The following IGSF23 variants were observed in gnomAD, a reference collection of about 807,000 sequenced individuals.
IGSF23 encodes the protein immunoglobulin superfamily, member 23.
In IGSF23, 14 loss-of-function variants were observed where a neutral mutation model predicts 17.8. The ratio of observed to expected loss-of-function variants is 0.79; its 90% CI spans 0.52 to 1.23. The LOEUF is 1.23. Ranked by LOEUF, IGSF23 falls within the 50% of genes most tolerant of loss-of-function variation. The pLI, the probability that IGSF23 is intolerant of heterozygous loss-of-function variation, is 0.00. For synonymous variants in IGSF23, 85 were observed against 92.5 expected, an observed-to-expected ratio of 0.92 and a Z score of 0.46; for missense variants, 214 against 241.7, an observed-to-expected ratio of 0.89 and a Z score of 0.76.
chr19:44,614,029 C>A, intron 1 of IGSF23: 1 of 1,454,050 alleles, frequency 6.9e-7, no homozygotes, highest in Non-Finnish European at 9.3e-7. Flanking sequence ...GGGCCAGGGA[C>A]AAGGAGGAGA....
intron 3 of IGSF23, among the ~76,000 whole-genome samples, chr19:44,630,253 A>G (rs1257246787): frequency 6.6e-6 from 1 of 152,124 alleles, no homozygotes; most frequent in Non-Finnish European, 1.5e-5. Context: ...GGGGCAAGGG[A>G]GGGCCAGCCT....
At chr19:44,614,015 C>T (rs1053202721) in intron 1 of IGSF23, 4 of 1,489,378 alleles carry the variant, frequency 2.7e-6, no homozygotes, top group Non-Finnish European at 2.7e-6. Context: ...AGCGGCTTCA[C>T]CACGGGCCAG....
At position 44,615,268 on chromosome 19, in the gene IGSF23, G is replaced by A. The variant is rs183887609; in HGVS notation, c.125+1498G>A. Among the ~76,000 whole-genome samples the A allele has an allele frequency of 6.9e-3, 1,025 of 147,482 alleles. 12 individuals carry two copies. The highest frequency in any genetic ancestry group is 0.023 in the African/African-American group (910 of 39,752). On this transcript the variant is annotated intron_variant, in intron 1 of 4. Transcript: ENST00000402988. The stretch of plus-strand genomic sequence containing the variant: ...CGTGCCACTGCACTCCAGCCTGGGC[G>A]ACAGAGCACGACTCCGTCTCAAAAA...
intron 3 of IGSF23, among the ~76,000 whole-genome samples, chr19:44,627,918 T>C (rs1368320038): frequency 6.6e-6 from 1 of 151,630 alleles, no homozygotes; most frequent in Non-Finnish European, 1.5e-5. Context: ...GTTGTTGGGT[T>C]GGGTTGTTGT....
chr19:44,634,063 C>T (rs945843393), intron 3 of IGSF23, among the ~76,000 whole-genome samples: 1 of 152,230 alleles, frequency 6.6e-6, no homozygotes, highest in African/African-American at 2.4e-5. Context: ...CCTGTTGGGA[C>T]CTTTTACGGG....
At position 44,613,779 on chromosome 19, in the gene IGSF23, T is replaced by C; in HGVS notation, c.125+9T>C. ...TTCCCAGCCAACTTGGTGTAAGTCA[T>C]GTGGGGAAGTGGCCAGGGTAGGGCA... On this transcript the variant is annotated intron_variant, in intron 1 of 4. Transcript: ENST00000402988. 1.3e-6 allele frequency: 2 copies of C among 1,550,346 alleles called. No individual in the cohort carries two copies. The highest frequency in any genetic ancestry group is 1.7e-6 in the Non-Finnish European group (2 of 1,146,868).
intron 3 of IGSF23, among the ~76,000 whole-genome samples, chr19:44,634,967 A>G (rs1411073641): frequency 6.6e-6 from 1 of 152,174 alleles, no homozygotes; most frequent in African/African-American, 2.4e-5. Flanking sequence ...TGATGATTGT[A>G]TTAGTTTGCT....
chr19:44,615,420 T>G (rs1972350234), intron 1 of IGSF23, among the ~76,000 whole-genome samples: 1 of 151,722 alleles, frequency 6.6e-6, no homozygotes, highest in African/African-American at 2.4e-5. Flanking sequence ...GGTCAGGAAT[T>G]CAAGACCAGC....
intron 1 of IGSF23, among the ~76,000 whole-genome samples, chr19:44,622,440 T>C (rs1020496275): frequency 3.9e-5 from 6 of 152,280 alleles, no homozygotes; most frequent in South Asian, 4.1e-4. Context: ...AAATCCCAGA[T>C]GTGTCCCTAC....
intron 2 of IGSF23, among the ~76,000 whole-genome samples, chr19:44,626,959 A>G (rs1035867319): frequency 1.3e-4 from 20 of 151,056 alleles, no homozygotes; most frequent in South Asian, 2.1e-4. Context: ...GCCAAGAGAG[A>G]GAGATGGCAT....
chr19:44,623,512 G>A (rs959008584), intron 1 of IGSF23, among the ~76,000 whole-genome samples, 195 bp from the exon 2 acceptor site: 5 of 152,234 alleles, frequency 3.3e-5, no homozygotes, highest in South Asian at 4.1e-4. Flanking sequence ...GGTGCTGGCC[G>A]TTGGAAGTGG....
chr19:44,630,238 A>C (rs1972736249), intron 3 of IGSF23, among the ~76,000 whole-genome samples: 1 of 152,144 alleles, frequency 6.6e-6, no homozygotes, highest in Non-Finnish European at 1.5e-5. Flanking sequence ...GCACACAACC[A>C]TCTAGGGGCA....
intron 3 of IGSF23, among the ~76,000 whole-genome samples, chr19:44,628,149 TG>T (rs2123723984): frequency 6.6e-6 from 1 of 152,216 alleles, no homozygotes; most frequent in Admixed American, 6.5e-5. Flanking sequence ...TTCGCCATGT[TG>T]GTCAGGCTGA....
chr19:44,630,617 T>G (rs1433684197), intron 3 of IGSF23, among the ~76,000 whole-genome samples: 2 of 152,160 alleles, frequency 1.3e-5, no homozygotes, highest in Non-Finnish European at 2.9e-5. Context: ...ACCTATTTAG[T>G]TGTGAGCAAC....
At chr19:44,633,277 G>C (rs1317192807) in intron 3 of IGSF23, among the ~76,000 whole-genome samples, 1 of 152,200 alleles carries the variant, frequency 6.6e-6, no homozygotes, top group Non-Finnish European at 1.5e-5. Context: ...ACATTTTAAA[G>C]GTATAGGTTC....
At chr19:44,632,338 G>T in intron 3 of IGSF23, 1 of 172,340 alleles carries the variant, frequency 5.8e-6, no homozygotes, top group South Asian at 1.2e-4. Flanking sequence ...CACGGCAATG[G>T]TGATTACCAC....
chr19:44,619,466 G>A (rs540133473), intron 1 of IGSF23, among the ~76,000 whole-genome samples: 1 of 152,282 alleles, frequency 6.6e-6, no homozygotes, highest in Middle Eastern at 3.4e-3. Context: ...TTTCATATCT[G>A]AATTAGGAAA....
intron 1 of IGSF23, among the ~76,000 whole-genome samples, chr19:44,616,980 C>T (rs557703630): frequency 2.3e-4 from 35 of 151,848 alleles, no homozygotes; most frequent in Non-Finnish European, 4.1e-4. Flanking sequence ...CTCACTGAAA[C>T]CTCAAACTCC....
chr19:44,627,774 T>C (rs983249535), intron 3 of IGSF23, among the ~76,000 whole-genome samples: 2 of 152,130 alleles, frequency 1.3e-5, no homozygotes, highest in African/African-American at 4.8e-5. Flanking sequence ...ACACTAGAGC[T>C]GGGCTGTCTG....
Sources: gnomAD v4.1 joint callset for allele counts (sites outside exome capture counted in the v4.1 genomes callset) on GRCh38, gnomAD v4.1.1 for gene constraint, MANE v1.5 for transcripts, NCBI Gene and HGNC (gene_info 2026-07-23, HGNC 2026-07-21) for gene names.